The following TCERG1L variants were observed in gnomAD, a reference collection of about 807,000 sequenced individuals.
The protein encoded by TCERG1L is transcription elongation regulator 1-like protein.
A neutral mutation model predicts 56.3 loss-of-function variants in TCERG1L; 37 were observed. The ratio of observed to expected loss-of-function variants is 0.66; its 90% CI spans 0.51 to 0.87. The LOEUF is 0.87. Ranked by LOEUF, TCERG1L falls within the 40% of genes least tolerant of loss-of-function variation. The pLI, the probability that TCERG1L is intolerant of heterozygous loss-of-function variation, is 0.00. For synonymous variants in TCERG1L, 324 were observed against 326.3 expected, an observed-to-expected ratio of 0.99 and a Z score of 0.08; for missense variants, 799 against 774.2, an observed-to-expected ratio of 1.03 and a Z score of -0.38.
chr10:131,293,621 G>A (rs1846657694), intron 3 of TCERG1L, among the ~76,000 whole-genome samples: 1 of 151,982 alleles, frequency 6.6e-6, no homozygotes, highest in Non-Finnish European at 1.5e-5. Flanking sequence ...TCCCAAGCTT[G>A]TGATAAGCCC....
chr10:131,218,550 A>G (rs1845698255), intron 4 of TCERG1L, among the ~76,000 whole-genome samples: 1 of 152,156 alleles, frequency 6.6e-6, no homozygotes, highest in East Asian at 1.9e-4. Flanking sequence ...CTGGAGTGCA[A>G]TGGTGCGACC....
At position 131,093,079 on chromosome 10, in the gene TCERG1L, G is replaced by T; in HGVS notation, c.*83C>A. ...GCCGTGCAGGTCTCGGCCGCCCCAC[G>T]CCCGTGTCCGTCTCCACCGTGACCC... On this transcript the variant is annotated 3_prime_UTR_variant, in exon 12 of 12. Transcript: ENST00000368642. 1.3e-6 allele frequency: 2 copies of T among 1,486,954 alleles called. No individual in the cohort carries two copies. Among genetic ancestry groups the T allele is most frequent in the Non-Finnish European group, 1.8e-6 (2 of 1,103,428 alleles). 92.1% of individuals were successfully genotyped at this position (1,486,954 alleles called of 1,614,324 possible). A position where few individuals can be genotyped will look rare whatever the true frequency, so the allele number is the denominator to read the frequency against.
chr10:131,145,057 A>G (rs11017751), intron 7 of TCERG1L, among the ~76,000 whole-genome samples: 7,578 of 152,304 alleles, frequency 0.05, 279 homozygotes, highest in South Asian at 0.22. Context: ...CAATTTTGGG[A>G]GGGAAAAATG....
At chr10:131,250,711 C>T (rs534365066) in intron 4 of TCERG1L, among the ~76,000 whole-genome samples, 1 of 152,154 alleles carries the variant, frequency 6.6e-6, no homozygotes, top group African/African-American at 2.4e-5. Flanking sequence ...TTCCTCCTAG[C>T]CCGGGAGCCC....
intron 4 of TCERG1L, among the ~76,000 whole-genome samples, chr10:131,214,912 C>CA (rs1845653564): frequency 1.3e-5 from 2 of 152,204 alleles, no homozygotes; most frequent in Non-Finnish European, 2.9e-5. Flanking sequence ...GCCAAGGACT[C>CA]CTCTAAGGCC....
chr10:131,142,959 C>A (rs1223330326), intron 7 of TCERG1L, among the ~76,000 whole-genome samples: 1 of 152,020 alleles, frequency 6.6e-6, no homozygotes. Flanking sequence ...AGAGTGGGAG[C>A]GGGAGGCAGA....
At chr10:131,142,623 G>A (rs757445885) in intron 7 of TCERG1L, among the ~76,000 whole-genome samples, 2 of 152,182 alleles carry the variant, frequency 1.3e-5, no homozygotes, top group East Asian at 1.9e-4. Context: ...TGGTGAGCTC[G>A]CACCAAGAGT....
At chr10:131,277,097 C>T (rs1405343527) in intron 3 of TCERG1L, among the ~76,000 whole-genome samples, 1 of 151,848 alleles carries the variant, frequency 6.6e-6, no homozygotes, top group East Asian at 1.9e-4. Flanking sequence ...AGAATCAAGG[C>T]ATTGGTGGGG....
chr10:131,291,699 T>C (rs1589774882), intron 3 of TCERG1L, among the ~76,000 whole-genome samples: 2 of 152,094 alleles, frequency 1.3e-5, no homozygotes. Context: ...GTGCTAGGAT[T>C]ACAGGCGTGA....
At chr10:131,148,495 TAC>T (rs771427379) in intron 6 of TCERG1L, among the ~76,000 whole-genome samples, 1 of 143,940 alleles carries the variant, frequency 6.9e-6, no homozygotes, top group Non-Finnish European at 1.5e-5. Context: ...CACACATATA[TAC>T]ACACACAAAG....
chr10:131,304,884 C>T (rs2133585484), intron 3 of TCERG1L, among the ~76,000 whole-genome samples: 1 of 152,134 alleles, frequency 6.6e-6, no homozygotes, highest in Non-Finnish European at 1.5e-5. Context: ...GACTGACTCA[C>T]CCCACAGGTC....
At chr10:131,179,735 T>C (rs982432042) in intron 4 of TCERG1L, among the ~76,000 whole-genome samples, 13 of 152,168 alleles carry the variant, frequency 8.5e-5, no homozygotes, top group African/African-American at 2.9e-4. Flanking sequence ...AAACTTAAAC[T>C]ACACTTCACC....
chr10:131,164,444 A>T (rs1846011288), intron 5 of TCERG1L, among the ~76,000 whole-genome samples: 1 of 152,242 alleles, frequency 6.6e-6, no homozygotes, highest in African/African-American at 2.4e-5. Context: ...CAGTAGAACC[A>T]TATATCACAA....
chr10:131,123,378 C>A (rs1001036505), intron 8 of TCERG1L, among the ~76,000 whole-genome samples: 12 of 152,136 alleles, frequency 7.9e-5, no homozygotes, highest in African/African-American at 2.9e-4. Flanking sequence ...AGGACACCCA[C>A]AAGCAGATCC....
intron 3 of TCERG1L, among the ~76,000 whole-genome samples, chr10:131,290,432 G>T (rs886990924): frequency 6.6e-6 from 1 of 152,062 alleles, no homozygotes; most frequent in African/African-American, 2.4e-5. Context: ...GGGAATTCGA[G>T]ACCAGCCTGA....
intron 4 of TCERG1L, among the ~76,000 whole-genome samples, chr10:131,167,814 CT>C (rs1281356435): frequency 1.3e-5 from 2 of 152,208 alleles, no homozygotes; most frequent in Admixed American, 6.5e-5. Context: ...AAGATTGTTA[CT>C]TTTTTGTCTT....
chr10:131,227,945 G>C (rs1332404088), intron 4 of TCERG1L, among the ~76,000 whole-genome samples: 1 of 152,110 alleles, frequency 6.6e-6, no homozygotes, highest in Non-Finnish European at 1.5e-5. Context: ...CCCTGGCTGA[G>C]TGCATTTCCG....
chr10:131,254,811 G>T (rs988204141), intron 4 of TCERG1L, among the ~76,000 whole-genome samples: 10 of 152,286 alleles, frequency 6.6e-5, no homozygotes, highest in South Asian at 2.1e-4. Flanking sequence ...TGTGGCAGGG[G>T]GTGAAAAAGG....
rs1161713296 is a variant in TCERG1L at position 131,166,882 on chromosome 10, G to C, written c.860C>G (p.Thr287Arg). ...IPLRTSPVSD[T>R]RTERGRVARP... ...GGCCACTCGGCCCCGCTCTGTCCTTGTATCTGTTGGGCCAAAGCAGTTGTC... is the reference window on the plus strand; with the variant it reads ...GGCCACTCGGCCCCGCTCTGTCCTTCTATCTGTTGGGCCAAAGCAGTTGTC... Residue 287 changes from threonine to arginine, a missense_variant, in exon 5 of 12, where the codon ACA (threonine) becomes AGA (arginine). Transcript: ENST00000368642. The C allele has an allele frequency of 6.2e-7, 1 of 1,610,324 alleles. No homozygotes were observed. Among genetic ancestry groups the C allele is most frequent in the South Asian group, 1.1e-5 (1 of 90,756 alleles).
Sources: gnomAD v4.1 joint callset for allele counts (sites outside exome capture counted in the v4.1 genomes callset) on GRCh38, gnomAD v4.1.1 for gene constraint, MANE v1.5 for transcripts, NCBI Gene and HGNC (gene_info 2026-07-23, HGNC 2026-07-21) for gene names.